CCDC178: variants seen among roughly 807,000 people sequenced by gnomAD.
CCDC178 encodes coiled-coil domain-containing protein 178.
Under a neutral mutation model 117.4 loss-of-function variants are expected in CCDC178, and 126 were observed. That is an observed-to-expected ratio of 1.07 (90% CI 0.93 to 1.24). CCDC178 has a LOEUF of 1.24. Ranked by LOEUF, CCDC178 falls within the 50% of genes most tolerant of loss-of-function variation. The pLI, the probability that CCDC178 is intolerant of heterozygous loss-of-function variation, is 0.00. For synonymous variants in CCDC178, 283 were observed against 313.4 expected (o/e 0.90, Z 1.02); for missense variants, 1,030 against 986.9 (o/e 1.04, Z -0.59).
At chr18:33,300,269 T>A (rs1243147259) in intron 11 of CCDC178, among the ~76,000 whole-genome samples, 4 of 152,218 alleles carry the variant, frequency 2.6e-5, no homozygotes, top group Non-Finnish European at 5.9e-5. Flanking sequence ...TTCTATAGCC[T>A]GCAGAACTGT....
chr18:33,277,625 G>A (rs887524814), intron 12 of CCDC178, among the ~76,000 whole-genome samples: 4 of 151,972 alleles, frequency 2.6e-5, no homozygotes, highest in African/African-American at 9.7e-5. Flanking sequence ...TCTCATTAAG[G>A]TTGTAATCTC....
At chr18:33,211,694 T>C (rs962357176) in intron 20 of CCDC178, among the ~76,000 whole-genome samples, 4 of 151,970 alleles carry the variant, frequency 2.6e-5, no homozygotes, top group Non-Finnish European at 5.9e-5. Context: ...ATAAAATGCA[T>C]TGAAAAGTAC....
In CCDC178 at chr18:33,368,635, G is replaced by A. The variant is rs1265952112; in HGVS notation, c.348+1415C>T. Among the ~76,000 whole-genome samples the A allele has an allele frequency of 2.6e-5, 4 of 151,812 alleles. No individual in the cohort carries two copies. In the East Asian group the frequency reaches 7.7e-4, roughly 29 times the overall value. On this transcript the variant is annotated intron_variant, in intron 6 of 22. Transcript: ENST00000383096. The stretch of plus-strand genomic sequence containing the variant: ...CCAAGTCGGATTCAGGAAAGAATAT[G>A]GGCTTTGAAAACAGACAGAGGGTGT...
chr18:33,327,283 TTTC>T (rs2145026316), intron 10 of CCDC178, among the ~76,000 whole-genome samples: 1 of 152,328 alleles, frequency 6.6e-6, no homozygotes, highest in East Asian at 1.9e-4. Context: ...CAGTACCTCA[TTTC>T]TTTTTACGGC....
Position 33,229,625 on chromosome 18 carries a change from T to C in CCDC178, c.1594-2770A>G, listed in dbSNP as rs932495176. ...GGAACCAGGATACTAATTTACACAATGTGACAGAGAGCATCTCAGTGACAC... is the reference window on the plus strand; with the variant it reads ...GGAACCAGGATACTAATTTACACAACGTGACAGAGAGCATCTCAGTGACAC... On this transcript the variant is annotated intron_variant, in intron 15 of 22. Coordinates refer to ENST00000383096, the MANE Select transcript of CCDC178 (RefSeq NM_001105528.4). Among the ~76,000 whole-genome samples the C allele has an allele frequency of 6.6e-5, 10 of 152,254 alleles. No homozygotes were observed. In the Middle Eastern group the frequency reaches 0.01, roughly 155 times the overall value.
intron 20 of CCDC178, among the ~76,000 whole-genome samples, chr18:33,178,907 A>C (rs2058694767): frequency 6.7e-6 from 1 of 150,274 alleles, no homozygotes; most frequent in Non-Finnish European, 1.5e-5. Context: ...TTCTTTTCTC[A>C]TTCCATTTTT....
chr18:33,126,061 G>C (rs1483260393), intron 20 of CCDC178, among the ~76,000 whole-genome samples: 1 of 152,084 alleles, frequency 6.6e-6, no homozygotes, highest in Non-Finnish European at 1.5e-5. Flanking sequence ...AAGGCTTAGG[G>C]CTTACTGCTT....
At position 33,405,249 on chromosome 18, in the gene CCDC178, GTA is replaced by G. The variant is rs1224260902; in HGVS notation, c.58+6780_58+6781del. Among the ~76,000 whole-genome samples the G allele has an allele frequency of 1.2e-4, 18 of 151,602 alleles. No individual in the cohort carries two copies. In the East Asian group the frequency reaches 3.3e-3, roughly 28 times the overall value. The stretch of plus-strand genomic sequence containing the variant: ...CGTAATTATCAAGAATTACAAAAAT[GTA>G]TGTTATTTATATAATTTAAATTTTA... On this transcript the variant is annotated intron_variant, in intron 3 of 22. Coordinates refer to ENST00000383096, the MANE Select transcript of CCDC178 (RefSeq NM_001105528.4).
intron 21 of CCDC178, among the ~76,000 whole-genome samples, chr18:33,036,593 T>A (rs927085092): frequency 6.6e-6 from 1 of 151,820 alleles, no homozygotes; most frequent in Non-Finnish European, 1.5e-5. Context: ...AGAAAGGGTA[T>A]GGCACGAGCA....
At chr18:33,070,096 C>T (rs2057082177) in intron 21 of CCDC178, among the ~76,000 whole-genome samples, 1 of 151,918 alleles carries the variant, frequency 6.6e-6, no homozygotes, top group South Asian at 2.1e-4. Context: ...TTAGTATAGC[C>T]ATTATGGAGA....
intron 20 of CCDC178, among the ~76,000 whole-genome samples, chr18:33,109,988 A>G (rs890082949): frequency 1.3e-5 from 2 of 151,354 alleles, no homozygotes; most frequent in African/African-American, 4.8e-5. Flanking sequence ...GTTCAGCTCT[A>G]GTTGATAGCG....
intron 14 of CCDC178, among the ~76,000 whole-genome samples, chr18:33,248,521 G>A (rs528674349): frequency 6.7e-6 from 1 of 150,352 alleles, no homozygotes; most frequent in Non-Finnish European, 1.5e-5. Context: ...TGTGGTGTTT[G>A]GTTTTTTGTC....
intron 9 of CCDC178, among the ~76,000 whole-genome samples, chr18:33,336,118 G>A (rs564473739): frequency 2.0e-5 from 3 of 152,184 alleles, no homozygotes; most frequent in Admixed American, 6.5e-5. Flanking sequence ...AGTACATTAC[G>A]AATGTTCAGG....
intron 21 of CCDC178, among the ~76,000 whole-genome samples, chr18:33,055,807 AT>A (rs111278278): frequency 2.1e-3 from 299 of 140,176 alleles, no homozygotes; most frequent in Middle Eastern, 0.012. Context: ...TCAATGGATA[AT>A]TTTTTTTTTT....
intron 20 of CCDC178, among the ~76,000 whole-genome samples, chr18:33,175,645 A>G (rs889372042): frequency 4.6e-5 from 7 of 152,184 alleles, no homozygotes; most frequent in African/African-American, 1.7e-4. Context: ...CAATGCCTTG[A>G]CTACCTACAG....
rs186892555 is a variant in CCDC178 at position 33,157,100 on chromosome 18, C to G, written c.2238+54796G>C. Among the ~76,000 whole-genome samples, 31 of 152,218 alleles carry G rather than the reference C, an allele frequency of 2.0e-4. No homozygotes were observed. In the East Asian group the frequency reaches 4.1e-3, roughly 20 times the overall value. On this transcript the variant is annotated intron_variant, in intron 20 of 22. Transcript: ENST00000383096. ...GTTTTAAACATGTCTGGAAATGCTC[C>G]TTTCATTATTCCCAATTTTCTGATA...
At chr18:33,264,945 T>C (rs1416641993) in intron 14 of CCDC178, among the ~76,000 whole-genome samples, 1 of 152,104 alleles carries the variant, frequency 6.6e-6, no homozygotes, top group African/African-American at 2.4e-5. Context: ...GTGCCTGCTG[T>C]CACACACTCT....
intron 5 of CCDC178, among the ~76,000 whole-genome samples, chr18:33,380,169 C>G (rs1047573709): frequency 1.3e-5 from 2 of 152,124 alleles, no homozygotes; most frequent in African/African-American, 4.8e-5. Context: ...CCAAGCTGAT[C>G]GTGATTGCAA....
chr18:33,124,427 TCTTTA>T (rs1321048463), intron 20 of CCDC178, among the ~76,000 whole-genome samples: 1 of 152,170 alleles, frequency 6.6e-6, no homozygotes, highest in Non-Finnish European at 1.5e-5. Context: ...AAAGATGAGT[TCTTTA>T]CTTGTTATTT....
Sources: allele counts gnomAD v4.1 joint callset (sites outside exome capture counted in the v4.1 genomes callset), GRCh38; gene constraint gnomAD v4.1.1; transcripts MANE v1.5; gene names NCBI Gene and HGNC (gene_info 2026-07-23, HGNC 2026-07-21).